The following IFT52 variants were observed in gnomAD, a reference collection of about 807,000 sequenced individuals.
The protein encoded by IFT52 is intraflagellar transport protein 52 homolog.
IFT52 carries 44 observed loss-of-function variants against 54.4 expected under a neutral mutation model. The ratio of observed to expected loss-of-function variants is 0.81; its 90% confidence interval spans 0.63 to 1.04. The LOEUF (loss-of-function observed/expected upper bound fraction) is 1.04, where lower values mean the gene tolerates loss of function less well. Ranked by LOEUF, IFT52 falls within the 50% of genes least tolerant of loss-of-function variation. IFT52 has a pLI of 0.00. For missense variants in IFT52, 452 were observed against 523.6 expected, an observed-to-expected ratio of 0.86 and a Z score of 1.33; for synonymous variants, 181 against 185.3, an observed-to-expected ratio of 0.98 and a Z score of 0.19.
In IFT52 at chr20:43,604,996, T is replaced by C. The variant is rs931796297; in HGVS notation, c.414-6T>C. 1.2e-6 allele frequency: 2 copies of C among 1,613,132 alleles called. No homozygotes were observed. The highest frequency in any genetic ancestry group is 1.7e-6 in the Non-Finnish European group (2 of 1,179,418). ...GTTTACTAGATTTTAATTTTTCTTC[T>C]TCAAGGGAAATTAGCCGAGCTGCAG... On this transcript the variant is annotated splice_region_variant and splice_polypyrimidine_tract_variant and intron_variant, in intron 5 of 13. Coordinates refer to ENST00000373030, the MANE Select transcript of IFT52 (RefSeq NM_016004.5).
intron 9 of IFT52, among the ~76,000 whole-genome samples, chr20:43,622,693 A>G (rs1984402076): frequency 6.8e-6 from 1 of 147,460 alleles, no homozygotes; most frequent in African/African-American, 2.5e-5. Context: ...TATTTTATGT[A>G]AATATAAATA....
In IFT52 at chr20:43,635,912, G is replaced by C. The variant is rs746973455; in HGVS notation, c.924-14G>C. On this transcript the variant is annotated splice_polypyrimidine_tract_variant and intron_variant, in intron 10 of 13. Coordinates refer to ENST00000373030, the MANE Select transcript of IFT52 (RefSeq NM_016004.5). ...TGTCTTGATCCCTGCTTTTTTGTTT[G>C]ATTATGAACACAGGGCTCACGAGCA... 1 of 1,611,764 alleles carries C rather than the reference G, an allele frequency of 6.2e-7. No individual in the cohort carries two copies. The highest frequency in any genetic ancestry group is 8.5e-7 in the Non-Finnish European group (1 of 1,178,900).
At position 43,643,872 on chromosome 20, in the gene IFT52, G is replaced by A. The variant is rs1347519810; in HGVS notation, c.1266+1248G>A. ...ATCCCAGCAATTGGGAGCCCAAGGC[G>A]GGCAGATCACAAAGTCAAGAGATTG... On this transcript the variant is annotated intron_variant, in intron 13 of 13. Coordinates refer to ENST00000373030, the MANE Select transcript of IFT52 (RefSeq NM_016004.5). 3.4e-5 allele frequency among the ~76,000 whole-genome samples: 2 copies of A among 58,112 alleles called. 1 individual carries two copies. The highest frequency in any genetic ancestry group is 3.9e-4 in the Admixed American group (2 of 5,090). 38.1% of individuals were successfully genotyped at this position (58,112 alleles called of 152,430 possible).
intron 6 of IFT52, among the ~76,000 whole-genome samples, chr20:43,610,356 C>T (rs1476707962): frequency 6.7e-6 from 1 of 149,870 alleles, no homozygotes; most frequent in African/African-American, 2.5e-5. Context: ...GTAGGGAAGA[C>T]CTTTCTTAGT....
Position 43,613,962 on chromosome 20 carries a change from T to G in IFT52, c.598T>G (p.Phe200Val), listed in dbSNP as rs1357449158. 18 of 1,613,838 alleles carry G rather than the reference T, an allele frequency of 1.1e-5. No individual in the cohort carries two copies. The highest frequency in any genetic ancestry group is 1.5e-5 in the Non-Finnish European group (18 of 1,179,748). The change falls in exon 7 of 14, where the codon TTC becomes GTC. Residue 200 changes from phenylalanine to valine, a missense_variant. Phe to Val is a conservative substitution (Grantham distance 50). Transcript: ENST00000373030. The stretch of plus-strand genomic sequence containing the variant: ...CCCACTTAACAGACCCATTTTGGCT[T>G]TCTATCACTCAAAGGTACAGCTTTT... Reference protein sequence around the residue: ...CFPLNRPILAFYHSKNQGGKL... With the variant: ...CFPLNRPILAVYHSKNQGGKL...
At chr20:43,598,853 T>C (rs933235857) in intron 3 of IFT52, among the ~76,000 whole-genome samples, 6 of 152,026 alleles carry the variant, frequency 3.9e-5, no homozygotes, top group South Asian at 2.1e-4. Context: ...ACCTTTGTGC[T>C]GAGAGAGAAT....
chr20:43,625,290 C>T (rs140222481), intron 10 of IFT52, among the ~76,000 whole-genome samples: 3 of 152,116 alleles, frequency 2.0e-5, no homozygotes, highest in East Asian at 3.9e-4. Context: ...ATGGGAAGAT[C>T]GCGAGGTCAG....
chr20:43,632,108 A>G (rs1057288354), intron 10 of IFT52, among the ~76,000 whole-genome samples: 35 of 150,582 alleles, frequency 2.3e-4, no homozygotes, highest in Admixed American at 2.3e-3. Flanking sequence ...TATTTTTAGT[A>G]GAGACGGGGT....
chr20:43,607,778 T>G (rs986643545), intron 6 of IFT52, among the ~76,000 whole-genome samples: 1 of 151,970 alleles, frequency 6.6e-6, no homozygotes, highest in African/African-American at 2.4e-5. Context: ...CTCGGCACTT[T>G]GGGAGGCCAA....
intron 3 of IFT52, among the ~76,000 whole-genome samples, chr20:43,597,240 G>T (rs1568708984): frequency 6.6e-6 from 1 of 151,478 alleles, no homozygotes; most frequent in African/African-American, 2.4e-5. Flanking sequence ...GCGTGGTGGC[G>T]CATTCCTGTA....
At chr20:43,604,515 G>C (rs984635268) in intron 5 of IFT52, among the ~76,000 whole-genome samples, 1 of 152,112 alleles carries the variant, frequency 6.6e-6, no homozygotes, top group African/African-American at 2.4e-5. Flanking sequence ...AGCAGAGGTT[G>C]CATTGAGCTG....
At chr20:43,630,251 G>T (rs1242949529) in intron 10 of IFT52, among the ~76,000 whole-genome samples, 1 of 152,180 alleles carries the variant, frequency 6.6e-6, no homozygotes, top group Non-Finnish European at 1.5e-5. Context: ...GTTGCAGTCT[G>T]ACCAGCTTCT....
chr20:43,629,392 C>T (rs913632880), intron 10 of IFT52, among the ~76,000 whole-genome samples: 9 of 152,168 alleles, frequency 5.9e-5, no homozygotes, highest in African/African-American at 1.9e-4. Flanking sequence ...TCGGCCTCAG[C>T]CTCCCCAGTA....
Position 43,605,257 on chromosome 20 carries a change from G to A in IFT52, c.485+184G>A. On this transcript the variant is annotated intron_variant, in intron 6 of 13. Coordinates refer to ENST00000373030, the MANE Select transcript of IFT52 (RefSeq NM_016004.5). ...TCCCCCTGAAGGTAGTCTTAATATA[G>A]TATTTAGGCCCAGCATGGTGGCTCA... 3 of 1,357,234 alleles carry A rather than the reference G, an allele frequency of 2.2e-6. No individual in the cohort carries two copies. In the South Asian group the frequency reaches 4.4e-5, roughly 20 times the overall value. The allele number at this position is 1,357,234 out of a possible 1,614,324, so 84.1% of individuals were successfully genotyped here.
chr20:43,616,307 G>C (rs1983853337), intron 7 of IFT52, among the ~76,000 whole-genome samples: 1 of 151,706 alleles, frequency 6.6e-6, no homozygotes. Flanking sequence ...AGGAGTTCGA[G>C]ACTAGCCTGG....
At chr20:43,630,828 C>T (rs990159682) in intron 10 of IFT52, among the ~76,000 whole-genome samples, 2 of 152,144 alleles carry the variant, frequency 1.3e-5, no homozygotes, top group Admixed American at 1.3e-4. Context: ...TTCTCCAGTC[C>T]CTTACCCGGT....
intron 6 of IFT52, among the ~76,000 whole-genome samples, chr20:43,609,282 A>G (rs1348498546): frequency 6.6e-6 from 1 of 152,138 alleles, no homozygotes; most frequent in Admixed American, 6.6e-5. Flanking sequence ...AATAGTTTTA[A>G]AAAAATAAAT....
intron 6 of IFT52, among the ~76,000 whole-genome samples, chr20:43,608,796 T>A (rs932191924): frequency 2.0e-5 from 3 of 152,010 alleles, no homozygotes; most frequent in African/African-American, 7.2e-5. Context: ...TATTCCCAGC[T>A]ACTCAGGAGA....
At chr20:43,622,810 A>G (rs1984439221) in intron 9 of IFT52, among the ~76,000 whole-genome samples, 1 of 148,616 alleles carries the variant, frequency 6.7e-6, no homozygotes, top group Admixed American at 6.8e-5. Flanking sequence ...ATATGTAAAT[A>G]TAAATATATA....
Sources: gnomAD v4.1 joint callset for allele counts (sites outside exome capture counted in the v4.1 genomes callset) on GRCh38, gnomAD v4.1.1 for gene constraint, MANE v1.5 for transcripts, NCBI Gene and HGNC (gene_info 2026-07-23, HGNC 2026-07-21) for gene names.